ASCC3: variants seen among roughly 807,000 people sequenced by gnomAD.
ASCC3 encodes the protein ASC-1 complex subunit P200.
In ASCC3, 158 loss-of-function variants were observed where a neutral mutation model predicts 256.3. The ratio of observed to expected loss-of-function variants is 0.62; its 90% CI spans 0.54 to 0.70. The LOEUF (loss-of-function observed/expected upper bound fraction) is 0.70, where lower values mean the gene tolerates loss of function less well. Ranked by LOEUF, ASCC3 falls within the 30% of genes least tolerant of loss-of-function variation. The probability of loss-of-function intolerance (pLI) is 0.00; values close to 1 mark genes in which losing one functional copy is unlikely to be tolerated. For synonymous variants in ASCC3, 948 were observed against 883.4 expected (o/e 1.07, Z -1.30); for missense variants, 2,259 against 2,626.0 (o/e 0.86, Z 3.05).
intron 36 of ASCC3, among the ~76,000 whole-genome samples, chr6:100,551,584 T>C (rs1011278196): frequency 6.6e-6 from 1 of 152,020 alleles, no homozygotes; most frequent in Non-Finnish European, 1.5e-5. Flanking sequence ...CTGTACTTGA[T>C]AGTGAGTCAT....
chr6:100,657,937 C>T (rs945671682), intron 16 of ASCC3, among the ~76,000 whole-genome samples: 1 of 151,384 alleles, frequency 6.6e-6, no homozygotes, highest in African/African-American at 2.4e-5. Context: ...AGTACAGGAA[C>T]CTTTTATAAA....
In ASCC3 at chr6:100,516,226, A is replaced by G; in HGVS notation, c.6029T>C (p.Phe2010Ser). ...IHACGGKDHVFSSMVESELHA... is the reference protein window; with the variant it reads ...IHACGGKDHVSSSMVESELHA... ...TAGCTCACTTTCTACCATGGAGCTAAATACATGGTCTTTCCCTCCACAGGC... is the reference window on the plus strand; with the variant it reads ...TAGCTCACTTTCTACCATGGAGCTAGATACATGGTCTTTCCCTCCACAGGC... The change falls in exon 39 of 42, where the codon TTT becomes TCT. Residue 2010 changes from phenylalanine to serine, a missense_variant. Around this residue, in one of 2 missense-constraint regions of ASCC3, gnomAD observed 1,839 missense variants for 2,206.7 expected, o/e 0.83. Transcript: ENST00000369162. 1 of 1,613,656 alleles carries G rather than the reference A, an allele frequency of 6.2e-7. No individual in the cohort carries two copies. Among genetic ancestry groups the G allele is most frequent in the African/African-American group, 1.3e-5 (1 of 74,964 alleles).
At chr6:100,772,917 A>T (rs555852269) in intron 8 of ASCC3, among the ~76,000 whole-genome samples, 1 of 152,326 alleles carries the variant, frequency 6.6e-6, no homozygotes, top group East Asian at 1.9e-4. Context: ...TGCAAGGTAA[A>T]GGTGTTATCT....
At chr6:100,611,350 T>C in intron 30 of ASCC3, among the ~76,000 whole-genome samples, 1 of 152,124 alleles carries the variant, frequency 6.6e-6, no homozygotes, top group South Asian at 2.1e-4. Context: ...AAAATACTAC[T>C]AGGACGGCCT....
chr6:100,655,617 C>G (rs1353969066), intron 17 of ASCC3, 82 bp downstream of exon 17: 7 of 1,492,266 alleles, frequency 4.7e-6, no homozygotes, highest in Non-Finnish European at 6.4e-6. Context: ...GAGGCAAGAG[C>G]AGCAAACAAA....
At chr6:100,726,544 G>T (rs1372401181) in intron 10 of ASCC3, among the ~76,000 whole-genome samples, 3 of 151,906 alleles carry the variant, frequency 2.0e-5, no homozygotes, top group Non-Finnish European at 2.9e-5. Flanking sequence ...GGAGCATCAT[G>T]TCAGCACTCA....
intron 11 of ASCC3, among the ~76,000 whole-genome samples, chr6:100,720,734 G>A (rs1419196160): frequency 6.6e-6 from 1 of 151,100 alleles, no homozygotes; most frequent in Non-Finnish European, 1.5e-5. Flanking sequence ...AAAGGTTTAT[G>A]GGCAAAGTAG....
At chr6:100,813,590 C>T (rs1235323608) in intron 4 of ASCC3, among the ~76,000 whole-genome samples, 2 of 151,980 alleles carry the variant, frequency 1.3e-5, no homozygotes, top group Non-Finnish European at 2.9e-5. Context: ...AATTCAAATT[C>T]ACAAATTACT....
chr6:100,766,811 T>A, intron 9 of ASCC3, 106 bp from the exon 10 acceptor site: 1 of 1,367,988 alleles, frequency 7.3e-7, no homozygotes, highest in Non-Finnish European at 1.0e-6. Flanking sequence ...TGTTTCTAAC[T>A]ACTTCCAGTG....
At chr6:100,653,495 G>T (rs1562201037) in intron 17 of ASCC3, among the ~76,000 whole-genome samples, 1 of 151,686 alleles carries the variant, frequency 6.6e-6, no homozygotes, top group African/African-American at 2.4e-5. Context: ...AAAATTAGCT[G>T]GGTATGGTGG....
At chr6:100,589,353 A>C (rs1771868243) in intron 36 of ASCC3, among the ~76,000 whole-genome samples, 1 of 152,074 alleles carries the variant, frequency 6.6e-6, no homozygotes, top group South Asian at 2.1e-4. Context: ...GGATAGGGTG[A>C]TGACTTGCCT....
intron 2 of ASCC3, 123 bp downstream of exon 2, chr6:100,867,785 C>T (rs1773549237): frequency 3.6e-6 from 3 of 842,308 alleles, no homozygotes; most frequent in Admixed American, 2.1e-5. Flanking sequence ...CCATCTTTGC[C>T]TCACACCAAA....
chr6:100,767,395 C>T, intron 8 of ASCC3, 50 bp from the exon 9 acceptor site: 1 of 1,522,448 alleles, frequency 6.6e-7, no homozygotes, highest in Non-Finnish European at 9.1e-7. Context: ...TGTGAAGGAC[C>T]CATACAAATC....
chr6:100,628,076 CT>C, intron 27 of ASCC3, 89 bp from the exon 28 acceptor site: 1 of 1,285,078 alleles, frequency 7.8e-7, no homozygotes, highest in Non-Finnish European at 1.1e-6. Context: ...TTGTAGCTTC[CT>C]CAAAAAACAA....
At chr6:100,861,915 C>T (rs556323095) in intron 3 of ASCC3, among the ~76,000 whole-genome samples, 1 of 152,090 alleles carries the variant, frequency 6.6e-6, no homozygotes, top group African/African-American at 2.4e-5. Flanking sequence ...TCTTAAATTC[C>T]ACCTTATTTA....
intron 36 of ASCC3, among the ~76,000 whole-genome samples, chr6:100,541,984 G>A (rs796942150): frequency 6.6e-6 from 1 of 151,974 alleles, no homozygotes; most frequent in Non-Finnish European, 1.5e-5. Flanking sequence ...GACATCAATA[G>A]ACACTATTAA....
Position 100,622,003 on chromosome 6 carries a change from C to T in ASCC3, c.4785+3189G>A, listed in dbSNP as rs550723724. Among the ~76,000 whole-genome samples the T allele has an allele frequency of 1.9e-3, 296 of 152,270 alleles. 1 individual carries two copies. Among genetic ancestry groups the T allele is most frequent in the Non-Finnish European group, 2.8e-3 (193 of 68,022 alleles). On this transcript the variant is annotated intron_variant, in intron 30 of 41. Transcript: ENST00000369162. Reference sequence around the variant, plus strand: ...TAATGCAGGAACAGAAAACCAAACACCCCATGTTCTCACTTATAAGTGGGA... The same window carrying T: ...TAATGCAGGAACAGAAAACCAAACATCCCATGTTCTCACTTATAAGTGGGA...
intron 10 of ASCC3, among the ~76,000 whole-genome samples, chr6:100,750,364 T>A (rs1582806795): frequency 6.6e-6 from 1 of 152,042 alleles, no homozygotes; most frequent in East Asian, 1.9e-4. Context: ...TTTTTGTGGA[T>A]GCCTTAGGAG....
chr6:100,594,200 ATAAAAAT>A (rs1772157610), intron 34 of ASCC3, among the ~76,000 whole-genome samples: 1 of 152,070 alleles, frequency 6.6e-6, no homozygotes, highest in Admixed American at 6.6e-5. Context: ...TAACTATATT[ATAAAAAT>A]GGTCTTTCTT....
Sources: gnomAD v4.1 joint callset for allele counts (sites outside exome capture counted in the v4.1 genomes callset) on GRCh38, gnomAD v4.1.1 for gene constraint, gnomAD v4.1.1 regional missense constraint, MANE v1.5 for transcripts, NCBI Gene and HGNC (gene_info 2026-07-23, HGNC 2026-07-21) for gene names.